The following GRAMD4 variants were observed in gnomAD, a reference collection of about 807,000 sequenced individuals.
The protein encoded by GRAMD4 is GRAM domain-containing protein 4.
In GRAMD4, 25 loss-of-function variants were observed where a neutral mutation model predicts 83.9. The ratio of observed to expected loss-of-function variants is 0.30; its 90% CI spans 0.22 to 0.42. The LOEUF (loss-of-function observed/expected upper bound fraction) is 0.42, where lower values mean the gene tolerates loss of function less well. Ranked by LOEUF, GRAMD4 falls within the 10% of genes least tolerant of loss-of-function variation. The pLI is 1.00. For synonymous variants in GRAMD4, 336 were observed against 320.9 expected (o/e 1.05, Z -0.50); for missense variants, 593 against 788.7 (o/e 0.75, Z 2.97).
At chr22:46,582,150 A>G (rs889973731) in intron 1 of GRAMD4, among the ~76,000 whole-genome samples, 4 of 152,130 alleles carry the variant, frequency 2.6e-5, no homozygotes, top group Non-Finnish European at 5.9e-5. Context: ...TGGCCGAGTC[A>G]CTGCCCTCTG....
intron 1 of GRAMD4, among the ~76,000 whole-genome samples, chr22:46,603,515 CTTTTTTT>C (rs71192425): frequency 1.2e-5 from 1 of 81,590 alleles, no homozygotes; most frequent in African/African-American, 4.4e-5. Flanking sequence ...GGCCTCTTCT[CTTTTTTT>C]TTTTTTTTTT....
In GRAMD4 at chr22:46,580,204, G is replaced by A. The variant is rs76995018; in HGVS notation, c.-50+2914G>A. On this transcript the variant is annotated intron_variant, in intron 1 of 1. Coordinates refer to the GRAMD4 transcript ENST00000431155. The stretch of plus-strand genomic sequence containing the variant: ...CGGGTTTAGTGAGTAACAGGCAGAA[G>A]GCAGAGGGTGCTCGCTGGGAAGCAG... Among the ~76,000 whole-genome samples, 1,169 of 152,362 alleles carry A rather than the reference G, an allele frequency of 7.7e-3. 21 individuals carry two copies. Among genetic ancestry groups the A allele is most frequent in the African/African-American group, 0.027 (1,128 of 41,586 alleles).
intron 17 of GRAMD4, among the ~76,000 whole-genome samples, chr22:46,676,149 C>G (rs2082594302): frequency 6.6e-6 from 1 of 152,184 alleles, no homozygotes; most frequent in Non-Finnish European, 1.5e-5. Flanking sequence ...GGCCCCACGG[C>G]AGTTGTGGGT....
In GRAMD4 at chr22:46,679,061, C is replaced by T. The variant is rs1039904808; in HGVS notation, c.*1810C>T. The T allele has an allele frequency of 6.5e-5, 64 of 985,664 alleles. No individual in the cohort carries two copies. The highest frequency in any genetic ancestry group is 5.2e-4 in the South Asian group (11 of 21,288). 61.1% of individuals were successfully genotyped at this position (985,664 alleles called of 1,614,324 possible). The stretch of plus-strand genomic sequence containing the variant: ...CATATCCCAGTGAACCCCACCTTGG[C>T]GCCTGAGGCAACACAGGGTGGGCAC... On this transcript the variant is annotated 3_prime_UTR_variant, in exon 19 of 19. Transcript: ENST00000406902.
At chr22:46,638,000 G>T in intron 3 of GRAMD4, 40 bp downstream of exon 3, 7 of 1,603,378 alleles carry the variant, frequency 4.4e-6, no homozygotes, top group Non-Finnish European at 6.0e-6. Context: ...GGGACAAGGT[G>T]GGTCAGGGGT....
At chr22:46,674,970 GCGGGGA>G (rs2082572837) in intron 16 of GRAMD4, among the ~76,000 whole-genome samples, 3 of 152,250 alleles carry the variant, frequency 2.0e-5, no homozygotes, top group African/African-American at 7.2e-5. Context: ...CCTCAGGCTG[GCGGGGA>G]TGCTGTCTTC....
chr22:46,587,861 A>C, intron 1 of GRAMD4: 1 of 972,182 alleles, frequency 1.0e-6, no homozygotes, highest in Non-Finnish European at 1.2e-6. Context: ...GTGCGCCAGA[A>C]GCCCGGGCGT....
chr22:46,602,783 CAG>C (rs2081324427), intron 1 of GRAMD4, among the ~76,000 whole-genome samples: 1 of 31,720 alleles, frequency 3.2e-5, no homozygotes, highest in Admixed American at 3.5e-4. Flanking sequence ...TTTTTTGAGG[CAG>C]AGTCTCTGTC....
chr22:46,625,449 G>A (rs1272487893), intron 1 of GRAMD4, among the ~76,000 whole-genome samples: 1 of 152,234 alleles, frequency 6.6e-6, no homozygotes, highest in Non-Finnish European at 1.5e-5. Flanking sequence ...GGAAGTTTGG[G>A]AAATACCCCC....
At chr22:46,583,664 G>A (rs1458496069) in intron 1 of GRAMD4, among the ~76,000 whole-genome samples, 5 of 152,206 alleles carry the variant, frequency 3.3e-5, no homozygotes, top group African/African-American at 1.2e-4. Flanking sequence ...CTCATGGTGC[G>A]ACTGGGGCCC....
chr22:46,681,196 C>T (rs1195067336), downstream of GRAMD4, among the ~76,000 whole-genome samples: 3 of 151,948 alleles, frequency 2.0e-5, no homozygotes, highest in African/African-American at 7.2e-5. Flanking sequence ...CAGTGTGGGC[C>T]CATGGCAGGT....
At chr22:46,584,795 G>T (rs536434820) in intron 1 of GRAMD4, among the ~76,000 whole-genome samples, 1 of 152,240 alleles carries the variant, frequency 6.6e-6, no homozygotes, top group African/African-American at 2.4e-5. Context: ...GCCCGGCCCC[G>T]CAGGGACGGG....
At position 46,676,662 on chromosome 22, in the gene GRAMD4, C is replaced by T; in HGVS notation, c.1626C>T (p.Thr542=). ...GMGIAVSTPS[T]QKPLVFGAMV... The stretch of plus-strand genomic sequence containing the variant: ...GGATTGCCGTGTCGACGCCATCCAC[C>T]CAGAAAGTAGGTGCCGGGCGGGGGG... Residue 542 remains threonine (T), a synonymous_variant, in exon 18 of 19, where the codon ACC becomes ACT. Transcript: ENST00000406902. The T allele has an allele frequency of 6.5e-7, 1 of 1,548,586 alleles. No individual in the cohort carries two copies. The highest frequency in any genetic ancestry group is 8.7e-7 in the Non-Finnish European group (1 of 1,146,916).
At chr22:46,607,105 C>T (rs138540) in intron 1 of GRAMD4, among the ~76,000 whole-genome samples, 115,741 of 152,012 alleles carry the variant, frequency 0.76, 45,774 homozygotes, top group East Asian at 1. Context: ...CCTGCCGGGC[C>T]CATGGGCGTG....
Position 46,664,117 on chromosome 22 carries a change from C to G in GRAMD4, c.717C>G (p.Thr239=), listed in dbSNP as rs147561076. 1 of 1,605,146 alleles carries G rather than the reference C, an allele frequency of 6.2e-7. No homozygotes were observed. The highest frequency in any genetic ancestry group is 1.3e-5 in the African/African-American group (1 of 74,886). Residue 239 remains threonine, a splice_region_variant and synonymous_variant, in exon 8 of 19, where the codon ACC becomes ACG. Transcript: ENST00000406902. ...TCTACACGTCTGCCATTGCCTTCAC[C>G]GTGAGTGGGTCCTCCAGGGGCCGAG... The part of the protein sequence containing the change: ...YSVYTSAIAF[T]VYMNAVWHGW...
At chr22:46,668,764 C>T (rs369148392) in intron 12 of GRAMD4, 32 bp downstream of exon 12, 34 of 1,175,722 alleles carry the variant, frequency 2.9e-5, no homozygotes, top group African/African-American at 1.2e-4. Flanking sequence ...GGCCCTGCGG[C>T]GCCCGCCCGG....
chr22:46,644,155 A>G (rs969434705), intron 3 of GRAMD4, among the ~76,000 whole-genome samples: 2 of 152,284 alleles, frequency 1.3e-5, no homozygotes, highest in African/African-American at 4.8e-5. Flanking sequence ...TGGTACACAG[A>G]GATAATCCCT....
chr22:46,664,013 G>C lies in GRAMD4; in HGVS notation c.626-13G>C. 6.2e-7 allele frequency: 1 copy of C among 1,608,826 alleles called. No individual in the cohort carries two copies. The highest frequency in any genetic ancestry group is 8.5e-7 in the Non-Finnish European group (1 of 1,175,788). ...CCCACAGTGCTGACCACTGTGGTCT[G>C]CTCTGTCCCCAGAGCGCGGTGCCAA... On this transcript the variant is annotated splice_polypyrimidine_tract_variant and intron_variant, in intron 7 of 18. Transcript: ENST00000406902.
At chr22:46,658,459 A>C in intron 4 of GRAMD4, 152 bp downstream of exon 4, 2 of 724,266 alleles carry the variant, frequency 2.8e-6, no homozygotes, top group East Asian at 5.5e-5. Context: ...CCCGGCTCTG[A>C]CTGCCCAGGT....
Sources: gnomAD v4.1 joint callset for allele counts (sites outside exome capture counted in the v4.1 genomes callset) on GRCh38, gnomAD v4.1.1 for gene constraint, MANE v1.5 for transcripts, NCBI Gene and HGNC (gene_info 2026-07-23, HGNC 2026-07-21) for gene names.